The following STRBP variants were observed in gnomAD, a reference collection of about 807,000 sequenced individuals.
STRBP encodes spermatid perinuclear RNA-binding protein.
In STRBP, 13 loss-of-function variants were observed where a neutral mutation model predicts 80.1. The observed-to-expected ratio is 0.16, with a 90% CI of 0.11 to 0.26. The LOEUF is 0.26. Ranked by LOEUF, STRBP falls within the 10% of genes least tolerant of loss-of-function variation. The probability of loss-of-function intolerance (pLI) is 1.00; values close to 1 mark genes in which losing one functional copy is unlikely to be tolerated. For missense variants in STRBP, 485 were observed against 815.2 expected, an observed-to-expected ratio of 0.59 and a Z score of 4.93; for synonymous variants, 284 against 291.2, an observed-to-expected ratio of 0.98 and a Z score of 0.25.
intron 2 of STRBP, among the ~76,000 whole-genome samples, chr9:123,225,876 T>C (rs151056797): frequency 3.2e-4 from 48 of 152,332 alleles, no homozygotes; most frequent in East Asian, 2.9e-3. Context: ...AAAAAGCTAA[T>C]AACTTTGAAA....
chr9:123,160,972 C>A lies in STRBP; in HGVS notation c.627+5G>T. 6.3e-7 allele frequency: 1 copy of A among 1,577,104 alleles called. No individual in the cohort carries two copies. Among genetic ancestry groups the A allele is most frequent in the Non-Finnish European group, 8.5e-7 (1 of 1,170,266 alleles). Reference sequence around the variant, plus strand: ...ATAACAATAAGATAGTAAGAAAAAGCCAACCTGAAACCATTTGGCATGTCG... The same window carrying A: ...ATAACAATAAGATAGTAAGAAAAAGACAACCTGAAACCATTTGGCATGTCG... On this transcript the variant is annotated splice_donor_5th_base_variant and intron_variant, in intron 7 of 18. Coordinates refer to ENST00000348403, the MANE Select transcript of STRBP (RefSeq NM_018387.5).
intron 5 of STRBP, among the ~76,000 whole-genome samples, chr9:123,170,464 G>A (rs555439496): frequency 6.6e-6 from 1 of 152,132 alleles, no homozygotes; most frequent in East Asian, 1.9e-4. Flanking sequence ...GCCTGAACAG[G>A]AACTCCTACT....
At chr9:123,221,002 G>T (rs567192631) in intron 2 of STRBP, among the ~76,000 whole-genome samples, 7 of 152,102 alleles carry the variant, frequency 4.6e-5, no homozygotes, top group South Asian at 2.1e-4. Flanking sequence ...AGAGACGTTT[G>T]TTTTTTGTTT....
At position 123,125,507 on chromosome 9, in the gene STRBP, G is replaced by A; in HGVS notation, c.*90C>T. 1.5e-6 allele frequency: 2 copies of A among 1,365,164 alleles called. No individual in the cohort carries two copies. Among genetic ancestry groups the A allele is most frequent in the South Asian group, 2.4e-5 (1 of 42,042 alleles). The allele number at this position is 1,365,164 out of a possible 1,614,324, so 84.6% of individuals were successfully genotyped here. A position where few individuals can be genotyped will look rare whatever the true frequency, so the allele number is the denominator to read the frequency against. On this transcript the variant is annotated 3_prime_UTR_variant, in exon 19 of 19. Transcript: ENST00000348403. ...TACAAATAATTTTGATCAAGTATGT[G>A]TTCAAAGAAAGCAGGATAAAAAGGC...
chr9:123,238,514 G>T (rs535455724), intron 1 of STRBP, among the ~76,000 whole-genome samples: 9 of 152,350 alleles, frequency 5.9e-5, no homozygotes, highest in Admixed American at 1.3e-4. Context: ...CTAGGGTTTA[G>T]CTACTTACAA....
At position 123,167,260 on chromosome 9, in the gene STRBP, T is replaced by C. The variant is rs77386903; in HGVS notation, c.535+2642A>G. On this transcript the variant is annotated intron_variant, in intron 6 of 18. Coordinates refer to ENST00000348403, the MANE Select transcript of STRBP (RefSeq NM_018387.5). ...AGTTGAGATACTACAGGAAAATGTCTCCAAGAAAAAAGTTACAATGGATTT... is the reference window on the plus strand; with the variant it reads ...AGTTGAGATACTACAGGAAAATGTCCCCAAGAAAAAAGTTACAATGGATTT... 9.9e-5 allele frequency among the ~76,000 whole-genome samples: 15 copies of C among 151,536 alleles called. No individual in the cohort carries two copies. The East Asian group carries it at 1.7e-3, about 18-fold the overall frequency.
At chr9:123,145,509 A>G (rs1194880861) in intron 13 of STRBP, among the ~76,000 whole-genome samples, 4 of 152,220 alleles carry the variant, frequency 2.6e-5, no homozygotes, top group Admixed American at 6.5e-5. Flanking sequence ...ACTGCATCAT[A>G]GATTTAAAAG....
intron 2 of STRBP, among the ~76,000 whole-genome samples, chr9:123,224,544 C>T (rs751967457): frequency 1.8e-4 from 27 of 152,250 alleles, no homozygotes; most frequent in African/African-American, 6.0e-4. Context: ...GCAACTTTCA[C>T]GGAGCATTTA....
intron 13 of STRBP, among the ~76,000 whole-genome samples, chr9:123,143,278 T>C (rs2036668789): frequency 6.6e-6 from 1 of 152,204 alleles, no homozygotes; most frequent in African/African-American, 2.4e-5. Flanking sequence ...ACCCTAAAGG[T>C]ATCCTTTGTG....
intron 6 of STRBP, among the ~76,000 whole-genome samples, chr9:123,161,429 G>C (rs2037518850): frequency 6.6e-6 from 1 of 152,176 alleles, no homozygotes; most frequent in African/African-American, 2.4e-5. Flanking sequence ...ATGCAAAGAA[G>C]GGAAATCTGG....
intron 1 of STRBP, among the ~76,000 whole-genome samples, chr9:123,258,332 G>C (rs563586197): frequency 6.6e-6 from 1 of 152,188 alleles, no homozygotes; most frequent in Non-Finnish European, 1.5e-5. Flanking sequence ...GATGGGAAAG[G>C]TTGGGTAAGG....
chr9:123,207,460 C>A (rs953625614), intron 2 of STRBP, among the ~76,000 whole-genome samples: 1 of 152,052 alleles, frequency 6.6e-6, no homozygotes, highest in Admixed American at 6.5e-5. Flanking sequence ...GATAATGTTA[C>A]ATATCATTTA....
At chr9:123,195,150 C>G (rs2039049591) in intron 2 of STRBP, among the ~76,000 whole-genome samples, 1 of 151,882 alleles carries the variant, frequency 6.6e-6, no homozygotes, top group South Asian at 2.1e-4. Context: ...AACAAAAAAC[C>G]ACACAAGTTT....
intron 5 of STRBP, among the ~76,000 whole-genome samples, chr9:123,170,902 A>G (rs2037979577): frequency 6.6e-6 from 1 of 152,182 alleles, no homozygotes; most frequent in African/African-American, 2.4e-5. Flanking sequence ...GAATAGGGAC[A>G]CTACCAAGTC....
In STRBP at chr9:123,179,023, C is replaced by T. The variant is rs1280724547; in HGVS notation, c.208G>A (p.Gly70Arg). The T allele has an allele frequency of 6.8e-6, 11 of 1,613,970 alleles. No individual in the cohort carries two copies. Among genetic ancestry groups the T allele is most frequent in the African/African-American group, 1.3e-5 (1 of 74,934 alleles). ...GETEVKKDEA[G>R]ENYSKDQGGR... ...CACACTCACTTGGAATAGTTTTCTC[C>T]GGCCTCATCTTTCTTCACTTCTGTC... Residue 70 changes from glycine to arginine, a missense_variant, in exon 4 of 19, where the codon GGA (glycine) becomes AGA (arginine). This residue lies in a region of STRBP where 377 missense variants were observed against 616.1 expected (regional missense o/e 0.61). Transcript: ENST00000348403.
chr9:123,185,889 G>T (rs893065017), intron 2 of STRBP, among the ~76,000 whole-genome samples: 12 of 151,846 alleles, frequency 7.9e-5, no homozygotes, highest in African/African-American at 2.9e-4. Context: ...AAAATTAGCC[G>T]GGCATGGTGG....
chr9:123,246,605 T>C lies in STRBP; in HGVS notation c.-301-9639A>G, dbSNP rs144286162. On this transcript the variant is annotated intron_variant, in intron 1 of 18. Coordinates refer to ENST00000348403, the MANE Select transcript of STRBP (RefSeq NM_018387.5). ...AAAATTAAGTAAAACAACAATACTA[T>C]AACATAACAGAATTTGACAGTTGTG... Among the ~76,000 whole-genome samples the C allele has an allele frequency of 3.3e-3, 502 of 152,274 alleles. 2 individuals carry two copies. Among genetic ancestry groups the C allele is most frequent in the Middle Eastern group, 6.8e-3 (2 of 294 alleles).
intron 1 of STRBP, among the ~76,000 whole-genome samples, chr9:123,246,392 G>A (rs2040800289): frequency 6.6e-6 from 1 of 152,170 alleles, no homozygotes; most frequent in East Asian, 1.9e-4. Context: ...TAATGGACTA[G>A]CATGAATACT....
chr9:123,146,967 T>A lies in STRBP; in HGVS notation c.1226A>T (p.Gln409Leu). Reference protein sequence around the residue: ...RPGLQYKLLSQSGPVHAPVFT... With the variant: ...RPGLQYKLLSLSGPVHAPVFT... ...GACTGGGGCATGAACGGGGCCAGAC[T>A]GAGATAGGAGCTTATACTGAAGCCC... Residue 409 changes from glutamine to leucine, a missense_variant, in exon 13 of 19, where the codon CAG (glutamine) becomes CTG (leucine). Physicochemically the swap from Gln to Leu is moderately radical, Grantham distance 113 (BLOSUM62 -2). Around this residue, in one of 3 missense-constraint regions of STRBP, gnomAD observed 377 missense variants for 616.1 expected, o/e 0.61. Transcript: ENST00000348403. 1 of 1,613,796 alleles carries A rather than the reference T, an allele frequency of 6.2e-7. No homozygotes were observed. Among genetic ancestry groups the A allele is most frequent in the South Asian group, 1.1e-5 (1 of 91,068 alleles).
Sources: allele counts gnomAD v4.1 joint callset (sites outside exome capture counted in the v4.1 genomes callset), GRCh38; gene constraint gnomAD v4.1.1; regional missense constraint gnomAD v4.1.1; transcripts MANE v1.5; gene names NCBI Gene and HGNC (gene_info 2026-07-23, HGNC 2026-07-21).